The following NTM variants were observed in gnomAD, a reference collection of about 807,000 sequenced individuals.
The protein encoded by NTM is IgLON family member 2.
In NTM, 13 loss-of-function variants were observed where a neutral mutation model predicts 42.1. The ratio of observed to expected loss-of-function variants is 0.31; its 90% CI spans 0.20 to 0.49. NTM has a LOEUF of 0.49. Ranked by LOEUF, NTM falls within the 20% of genes least tolerant of loss-of-function variation. The pLI, the probability that NTM is intolerant of heterozygous loss-of-function variation, is 0.99. For synonymous variants in NTM, 187 were observed against 179.2 expected, an observed-to-expected ratio of 1.04 and a Z score of -0.35; for missense variants, 373 against 452.8, an observed-to-expected ratio of 0.82 and a Z score of 1.60.
chr11:131,445,653 G>T (rs1267256092), intron 1 of NTM, among the ~76,000 whole-genome samples: 2 of 152,146 alleles, frequency 1.3e-5, no homozygotes, highest in Non-Finnish European at 2.9e-5. Context: ...AAGTGACCAG[G>T]ACACATGTGA....
chr11:132,112,649 G>C (rs188235422), intron 2 of NTM, among the ~76,000 whole-genome samples: 1 of 151,712 alleles, frequency 6.6e-6, no homozygotes, highest in East Asian at 1.9e-4. Flanking sequence ...GTCCCCCCGG[G>C]CTCTCAGAGG....
chr11:131,466,787 A>T (rs1422385286), intron 1 of NTM, among the ~76,000 whole-genome samples: 1 of 152,222 alleles, frequency 6.6e-6, no homozygotes, highest in Non-Finnish European at 1.5e-5. Flanking sequence ...CTTGGAAAGG[A>T]GACAGCTTTT....
chr11:132,147,204 TGTGTGTGTGTGAGAGAGA>T (rs2070689819), intron 3 of NTM, among the ~76,000 whole-genome samples: 1 of 143,256 alleles, frequency 7.0e-6, no homozygotes, highest in Non-Finnish European at 1.5e-5. Context: ...TGTGTGTGTG[TGTGTGTGTGTGAGAGAGA>T]GAGAGAGAGA....
chr11:131,984,217 G>A (rs1192840880), intron 2 of NTM, among the ~76,000 whole-genome samples: 1 of 152,172 alleles, frequency 6.6e-6, no homozygotes, highest in African/African-American at 2.4e-5. Context: ...GAGTTCACCT[G>A]GTGGTATTTA....
intron 1 of NTM, among the ~76,000 whole-genome samples, chr11:131,443,060 A>G (rs1018107494): frequency 1.3e-5 from 2 of 152,108 alleles, no homozygotes; most frequent in African/African-American, 4.8e-5. Flanking sequence ...TACCCATACT[A>G]TTTTCCATAG....
At position 132,146,752 on chromosome 11, in the gene NTM, A is replaced by T. The variant is rs1421504559; in HGVS notation, c.400+238A>T. Reference sequence around the variant, plus strand: ...GTTCCAATAATATATTTTCTCAGGAAATTATCTTGTAATTATTGCTCTTCT... The same window carrying T: ...GTTCCAATAATATATTTTCTCAGGATATTATCTTGTAATTATTGCTCTTCT... On this transcript the variant is annotated intron_variant, in intron 3 of 8. Transcript: ENST00000683400. This position sits in a 1 kb window ranked among gnomAD's most constrained non-coding sequence, Gnocchi z 4.5. 2.9e-5 allele frequency: 13 copies of T among 456,060 alleles called. No homozygotes were observed. Among genetic ancestry groups the T allele is most frequent in the Non-Finnish European group, 3.8e-5 (10 of 261,432 alleles). 28.3% of individuals were successfully genotyped at this position (456,060 alleles called of 1,614,324 possible).
At chr11:131,547,985 C>T (rs1019377484) in intron 1 of NTM, among the ~76,000 whole-genome samples, 6 of 152,146 alleles carry the variant, frequency 3.9e-5, no homozygotes, top group South Asian at 2.1e-4. Flanking sequence ...CCAAGAAGAG[C>T]AGGAACTTGC....
chr11:132,193,608 T>A (rs2079668117), intron 3 of NTM, among the ~76,000 whole-genome samples: 2 of 151,744 alleles, frequency 1.3e-5, no homozygotes, highest in South Asian at 4.2e-4. Context: ...GAAGAACTAG[T>A]AAAACAAGAG....
chr11:132,135,561 G>C (rs1204726162), intron 2 of NTM, among the ~76,000 whole-genome samples: 1 of 152,218 alleles, frequency 6.6e-6, no homozygotes, highest in Non-Finnish European at 1.5e-5. Flanking sequence ...TTTAGGCAAA[G>C]ACCCACCAGG....
intron 3 of NTM, among the ~76,000 whole-genome samples, chr11:132,188,831 C>T (rs2078844743): frequency 6.6e-6 from 1 of 152,204 alleles, no homozygotes; most frequent in African/African-American, 2.4e-5. Flanking sequence ...AGACCTATAG[C>T]ACTGCACCCT....
intron 1 of NTM, among the ~76,000 whole-genome samples, chr11:131,730,055 C>A (rs1360563070): frequency 6.6e-6 from 1 of 152,144 alleles, no homozygotes; most frequent in Non-Finnish European, 1.5e-5. Context: ...TTTTGCCTTC[C>A]CACCAGCAAT....
At chr11:131,813,203 T>C (rs952285067) in intron 1 of NTM, among the ~76,000 whole-genome samples, 2 of 152,198 alleles carry the variant, frequency 1.3e-5, no homozygotes, top group South Asian at 4.1e-4. Context: ...TTAAGGTATC[T>C]CATGTATTTT....
At position 131,818,430 on chromosome 11, in the gene NTM, C is replaced by T. The variant is rs542521172; in HGVS notation, c.83-93134C>T. Reference sequence around the variant, plus strand: ...AAGAGGGACTATATCCCTCTTGGCTCTAAAGACATAGATTTGCATATTGAT... The same window carrying T: ...AAGAGGGACTATATCCCTCTTGGCTTTAAAGACATAGATTTGCATATTGAT... On this transcript the variant is annotated intron_variant, in intron 1 of 8. Coordinates refer to ENST00000683400, the MANE Select transcript of NTM (RefSeq NM_001352005.2). 2.4e-4 allele frequency among the ~76,000 whole-genome samples: 36 copies of T among 152,246 alleles called. No individual in the cohort carries two copies. In the South Asian group the frequency reaches 7.5e-3, roughly 32 times the overall value.
At chr11:131,725,187 A>G (rs767490117) in intron 1 of NTM, among the ~76,000 whole-genome samples, 3 of 152,116 alleles carry the variant, frequency 2.0e-5, no homozygotes, top group Non-Finnish European at 4.4e-5. Context: ...GAGGACAGAA[A>G]CCTTAGTGCT....
intron 1 of NTM, chr11:131,911,074 G>T (rs1019995491): frequency 2.7e-5 from 30 of 1,115,152 alleles, no homozygotes; most frequent in Non-Finnish European, 3.2e-5. Context: ...GCTGGATGAA[G>T]CCCACCCCGT....
chr11:132,312,209 T>TG (rs895129462), intron 6 of NTM, among the ~76,000 whole-genome samples: 23 of 152,252 alleles, frequency 1.5e-4, no homozygotes, highest in African/African-American at 5.1e-4. Context: ...GTGTCTGCCC[T>TG]GGGGGGAAGG....
chr11:131,972,472 T>C (rs1475252730), intron 2 of NTM, among the ~76,000 whole-genome samples: 1 of 152,178 alleles, frequency 6.6e-6, no homozygotes, highest in African/African-American at 2.4e-5. Flanking sequence ...TAATAAAAAA[T>C]AATCTTAATG....
intron 4 of NTM, among the ~76,000 whole-genome samples, chr11:132,286,792 G>C (rs1439891823): frequency 1.3e-5 from 2 of 152,182 alleles, no homozygotes; most frequent in Non-Finnish European, 1.5e-5. Flanking sequence ...CATGACAATG[G>C]TGTATCCAAT....
intron 4 of NTM, among the ~76,000 whole-genome samples, chr11:132,293,110 A>T (rs1161804050): frequency 6.6e-6 from 1 of 152,160 alleles, no homozygotes; most frequent in Non-Finnish European, 1.5e-5. Flanking sequence ...AGGAGTGAGG[A>T]TGCAGATGGA....
Sources: allele counts gnomAD v4.1 joint callset (sites outside exome capture counted in the v4.1 genomes callset), GRCh38; gene constraint gnomAD v4.1.1; non-coding constraint Gnocchi (gnomAD v3.1); transcripts MANE v1.5; gene names NCBI Gene and HGNC (gene_info 2026-07-23, HGNC 2026-07-21).